The following ZNF282 variants were observed in gnomAD, a reference collection of about 807,000 sequenced individuals.
ZNF282 encodes the protein HTLV-I U5 repressive element-binding protein 1.
In ZNF282, 30 loss-of-function variants were observed where a neutral mutation model predicts 61.9. The observed-to-expected ratio is 0.48, with a 90% CI of 0.36 to 0.66. The LOEUF is 0.66. Ranked by LOEUF, ZNF282 falls within the 30% of genes least tolerant of loss-of-function variation. The pLI is 0.00. For synonymous variants in ZNF282, 396 were observed against 405.0 expected (o/e 0.98, Z 0.27); for missense variants, 788 against 941.4 (o/e 0.84, Z 2.13).
At chr7:149,210,490 A>G in intron 4 of ZNF282, 95 bp from the exon 5 acceptor site, 1 of 1,560,726 alleles carries the variant, frequency 6.4e-7, no homozygotes, top group Non-Finnish European at 8.7e-7. Flanking sequence ...TGCAGAAAAA[A>G]AGACACAAAG....
At chr7:149,219,266 T>C (rs1438468804) in intron 7 of ZNF282, among the ~76,000 whole-genome samples, 1 of 152,090 alleles carries the variant, frequency 6.6e-6, no homozygotes. Flanking sequence ...AATCCAGAGA[T>C]TTAGAGGCTC....
At chr7:149,220,522 C>A (rs1796227651) in intron 7 of ZNF282, among the ~76,000 whole-genome samples, 1 of 152,138 alleles carries the variant, frequency 6.6e-6, no homozygotes, top group Non-Finnish European at 1.5e-5. Context: ...TTTCAAGGAC[C>A]CAGGTTCTTT....
intron 5 of ZNF282, among the ~76,000 whole-genome samples, chr7:149,211,759 G>A (rs962881682): frequency 6.6e-6 from 1 of 152,038 alleles, no homozygotes; most frequent in Non-Finnish European, 1.5e-5. Flanking sequence ...AGGAAAGCCC[G>A]TTCACTTGTC....
intron 3 of ZNF282, 41 bp from the exon 4 acceptor site, chr7:149,207,310 C>A: frequency 1.9e-6 from 3 of 1,568,696 alleles, no homozygotes; most frequent in South Asian, 2.3e-5. Flanking sequence ...ATGCGTTGGT[C>A]AACTTCACTC....
intron 3 of ZNF282, 56 bp downstream of exon 3, chr7:149,206,878 G>A (rs1346517566): frequency 4.4e-6 from 7 of 1,604,274 alleles, no homozygotes; most frequent in African/African-American, 1.3e-5. Context: ...GTTGTGAAAT[G>A]CTTATTTGTC....
At chr7:149,212,312 A>G in intron 5 of ZNF282, 46 bp from the exon 6 acceptor site, 1 of 1,378,780 alleles carries the variant, frequency 7.3e-7, no homozygotes. Context: ...CTTGCAGGAG[A>G]TTTCGCATCT....
In ZNF282 at chr7:149,224,212, C is replaced by T. The variant is rs764437803; in HGVS notation, c.1581C>T (p.Phe527=). The change falls in exon 8 of 8, where the codon TTC becomes TTT. Residue 527 remains phenylalanine (F), a synonymous_variant. Transcript: ENST00000610704. The part of the protein sequence containing the change: ...PYSCPECGKS[F]GVRKSLIIHH... ...CGTGCCCCGAGTGCGGCAAGAGCTTCGGCGTGCGCAAGAGCCTCATCATCC... is the reference window on the plus strand; with the variant it reads ...CGTGCCCCGAGTGCGGCAAGAGCTTTGGCGTGCGCAAGAGCCTCATCATCC... 5 of 1,608,846 alleles carry T rather than the reference C, an allele frequency of 3.1e-6. No homozygotes were observed. The East Asian group carries it at 6.7e-5, about 22-fold the overall frequency.
Position 149,210,602 on chromosome 7 carries a change from C to G in ZNF282, c.850C>G (p.Pro284Ala), listed in dbSNP as rs1796066905. The change falls in exon 5 of 8, where the codon CCT becomes GCT. Residue 284 changes from proline to alanine, a missense_variant. Physicochemically the swap from Pro to Ala is conservative, Grantham distance 27. Coordinates refer to ENST00000610704, the MANE Select transcript of ZNF282 (RefSeq NM_003575.4). ...DPEAGAEPLV[P>A]AQDASSQVKR... ...GTCCCCAGGAGCAGAGCCCCTGGTG[C>G]CTGCGCAGGATGCGTCCTCCCAGGT... 10 of 1,611,702 alleles carry G rather than the reference C, an allele frequency of 6.2e-6. No homozygotes were observed. The highest frequency in any genetic ancestry group is 8.5e-6 in the Non-Finnish European group (10 of 1,179,162).
rs1795848876 is a variant in ZNF282 at position 149,198,204 on chromosome 7, T to C, written c.166-129T>C. 3 of 1,107,354 alleles carry C rather than the reference T, an allele frequency of 2.7e-6. No homozygotes were observed. The South Asian group carries it at 4.8e-5, about 18-fold the overall frequency. The allele number at this position is 1,107,354 out of a possible 1,614,324, so 68.6% of individuals were successfully genotyped here. On this transcript the variant is annotated intron_variant, in intron 1 of 7. Coordinates refer to ENST00000610704, the MANE Select transcript of ZNF282 (RefSeq NM_003575.4). This position sits in a 1 kb window ranked among gnomAD's most constrained non-coding sequence, Gnocchi z 4.3. ...TGTTGCTGGGGGTGTTAGTGTATCC[T>C]GAGTTACGGGGGCCTGGCAGAAGAA... is the stretch of plus-strand genomic sequence containing the variant.
intron 6 of ZNF282, 107 bp from the exon 7 acceptor site, chr7:149,213,594 C>T (rs1419511069): frequency 9.3e-6 from 7 of 748,688 alleles, no homozygotes; most frequent in African/African-American, 8.7e-5. Flanking sequence ...GATACCAAAA[C>T]ATGCCCTGCA....
intron 2 of ZNF282, among the ~76,000 whole-genome samples, chr7:149,201,118 A>G (rs982495714): frequency 3.3e-5 from 5 of 152,214 alleles, no homozygotes; most frequent in African/African-American, 1.2e-4. Context: ...AGTTGTCCTC[A>G]TCTCCGTTGA....
intron 2 of ZNF282, among the ~76,000 whole-genome samples, chr7:149,201,297 G>A (rs1202407): frequency 0.84 from 127,759 of 152,190 alleles, 54,141 homozygotes; most frequent in East Asian, 0.97. Flanking sequence ...CATCGCCATC[G>A]TCTGGTCCCA....
In ZNF282 at chr7:149,225,891, C is replaced by T. The variant is rs866496241; in HGVS notation, c.*1244C>T. 1 of 152,682 alleles carries T rather than the reference C, an allele frequency of 6.5e-6. No individual in the cohort carries two copies. The highest frequency in any genetic ancestry group is 1.5e-5 in the Non-Finnish European group (1 of 68,128). The allele number at this position is 152,682 out of a possible 1,614,324, so 9.5% of individuals were successfully genotyped here. A position where few individuals can be genotyped will look rare whatever the true frequency, so the allele number is the denominator to read the frequency against. ...CTCCATAGCTCCGGGCGCTGCGTCC[C>T]GAGGGGCCACAGTCTCCATTTCAGC... On this transcript the variant is annotated 3_prime_UTR_variant, in exon 8 of 8. Transcript: ENST00000610704.
At position 149,210,619 on chromosome 7, in the gene ZNF282, C is replaced by T. The variant is rs777252924; in HGVS notation, c.867C>T (p.Ser289=). 3 of 1,612,464 alleles carry T rather than the reference C, an allele frequency of 1.9e-6. No individual in the cohort carries two copies. Among genetic ancestry groups the T allele is most frequent in the Admixed American group, 3.3e-5 (2 of 59,762 alleles). The change falls in exon 5 of 8, where the codon TCC becomes TCT. Residue 289 remains serine, a synonymous_variant. Transcript: ENST00000610704. Reference sequence around the variant, plus strand: ...CCCTGGTGCCTGCGCAGGATGCGTCCTCCCAGGTGAAGCGTGAGGACACCC... The same window carrying T: ...CCCTGGTGCCTGCGCAGGATGCGTCTTCCCAGGTGAAGCGTGAGGACACCC... ...AEPLVPAQDA[S]SQVKREDTLC... is the part of the protein sequence containing the mutation.
In ZNF282 at chr7:149,212,472, G is replaced by T. The variant is rs772990357; in HGVS notation, c.1066+1G>T. 9 of 1,606,626 alleles carry T rather than the reference G, an allele frequency of 5.6e-6. No homozygotes were observed. On this transcript the variant is annotated splice_donor_variant, in intron 6 of 7. Transcript: ENST00000610704. LOFTEE classifies it high-confidence loss of function. ...GATATTCCCACGGATCCCAATTCAG[G>T]TGAGAACAAGGTCAGAATGAATCTT...
chr7:149,213,861 G>A lies in ZNF282; in HGVS notation c.1180+47G>A, dbSNP rs142167998. ...ACCCTGGGGTTTCTTCTCTGGAGCT[G>A]TACAGCTGAGGCGTGGACGAAGGCT... On this transcript the variant is annotated intron_variant, in intron 7 of 7. Transcript: ENST00000610704. 3.0e-4 allele frequency: 429 copies of A among 1,420,314 alleles called. 1 individual carries two copies. The African/African-American group carries it at 5.8e-3, about 19-fold the overall frequency. 88.0% of individuals were successfully genotyped at this position (1,420,314 alleles called of 1,614,324 possible). A position where few individuals can be genotyped will look rare whatever the true frequency, so the allele number is the denominator to read the frequency against.
At position 149,198,242 on chromosome 7, in the gene ZNF282, G is replaced by T; in HGVS notation, c.166-91G>T. On this transcript the variant is annotated intron_variant, in intron 1 of 7. Coordinates refer to ENST00000610704, the MANE Select transcript of ZNF282 (RefSeq NM_003575.4). The surrounding 1 kb of genome is among the most constrained non-coding windows in gnomAD (Gnocchi z 4.3). ...CCTGGCAGAAGAAAGACGACATGTA[G>T]CATCTGATTAGTTGACCCCTGTTCC... is the stretch of plus-strand genomic sequence containing the variant. 1 of 1,429,090 alleles carries T rather than the reference G, an allele frequency of 7.0e-7. No homozygotes were observed. The highest frequency in any genetic ancestry group is 9.5e-7 in the Non-Finnish European group (1 of 1,055,012). 88.5% of individuals were successfully genotyped at this position (1,429,090 alleles called of 1,614,324 possible).
intron 7 of ZNF282, among the ~76,000 whole-genome samples, chr7:149,218,358 C>G (rs1796191274): frequency 6.6e-6 from 1 of 152,008 alleles, no homozygotes; most frequent in African/African-American, 2.4e-5. Context: ...CCTGTGGGGG[C>G]TGTGGAATCA....
At chr7:149,216,309 C>G (rs1796160459) in intron 7 of ZNF282, among the ~76,000 whole-genome samples, 1 of 152,118 alleles carries the variant, frequency 6.6e-6, no homozygotes, top group Admixed American at 6.6e-5. Flanking sequence ...CTATATTACC[C>G]ACGCTGGTCT....
Sources: gnomAD v4.1 joint callset for allele counts (sites outside exome capture counted in the v4.1 genomes callset) on GRCh38, gnomAD v4.1.1 for gene constraint, Gnocchi (gnomAD v3.1) non-coding constraint, MANE v1.5 for transcripts, NCBI Gene and HGNC (gene_info 2026-07-23, HGNC 2026-07-21) for gene names.